The following SLC4A10 variants were observed in gnomAD, a reference collection of about 807,000 sequenced individuals.
SLC4A10 encodes solute carrier family 4 member 10, also known as sodium-driven chloride bicarbonate exchanger.
A neutral mutation model predicts 137.7 loss-of-function variants in SLC4A10; 42 were observed. The ratio of observed to expected loss-of-function variants is 0.30; its 90% CI spans 0.24 to 0.39. SLC4A10 has a LOEUF of 0.39. Among genes scored for constraint, SLC4A10 ranks in the 10% least tolerant of loss-of-function variants. SLC4A10 has a pLI of 1.00. For missense variants in SLC4A10, 925 were observed against 1,355.0 expected (o/e 0.68, Z 4.98); for synonymous variants, 474 against 464.1 (o/e 1.02, Z -0.27).
At chr2:161,947,833 G>T in intron 17 of SLC4A10, 106 bp downstream of exon 17, 1 of 1,263,446 alleles carries the variant, frequency 7.9e-7, no homozygotes, top group Non-Finnish European at 1.1e-6. Flanking sequence ...TGAGTGAGCT[G>T]CCAGGTTAGT....
chr2:161,693,352 A>G (rs2042180620), intron 1 of SLC4A10, among the ~76,000 whole-genome samples: 1 of 152,076 alleles, frequency 6.6e-6, no homozygotes, highest in South Asian at 2.1e-4. Flanking sequence ...GCTTTCACTC[A>G]AACAAAAATA....
chr2:161,707,924 G>A (rs905359259), intron 1 of SLC4A10, among the ~76,000 whole-genome samples: 1 of 151,012 alleles, frequency 6.6e-6, no homozygotes, highest in African/African-American at 2.4e-5. Flanking sequence ...TCCTGTATAG[G>A]CGCTCATCAT....
At position 161,778,411 on chromosome 2, in the gene SLC4A10, T is replaced by C. The variant is rs558783617; in HGVS notation, c.130+7357T>C. 1.2e-4 allele frequency among the ~76,000 whole-genome samples: 19 copies of C among 152,070 alleles called. No individual in the cohort carries two copies. The East Asian group carries it at 3.7e-3, about 29-fold the overall frequency. On this transcript the variant is annotated intron_variant, in intron 2 of 26. Coordinates refer to ENST00000446997, the MANE Select transcript of SLC4A10 (RefSeq NM_001178015.2). ...GTCTTTGTTATTGATTATAAACTCA[T>C]TGAGGGACAAATTTTCATCTTTTAC...
At chr2:161,956,903 A>T in intron 19 of SLC4A10, 86 bp from the exon 20 acceptor site, 3 of 1,384,202 alleles carry the variant, frequency 2.2e-6, no homozygotes, top group African/African-American at 2.9e-5. Flanking sequence ...GAGTATCATC[A>T]GGAAGTGGTT....
Position 161,942,818 on chromosome 2 carries a change from C to A in SLC4A10, c.2024C>A (p.Pro675His). ...TGTAACTGTGTGGAACCGCATAATC[C>A]CAGCAATGGCACATTGAAGGAATGG... ...YSCNCVEPHN[P>H]SNGTLKEWRE... The change falls in exon 16 of 27, where the codon CCC becomes CAC. Residue 675 changes from proline to histidine, a missense_variant. This residue lies in a region of SLC4A10 where 91 missense variants were observed against 95.6 expected (regional missense o/e 0.95). Coordinates refer to ENST00000446997, the MANE Select transcript of SLC4A10 (RefSeq NM_001178015.2). The A allele has an allele frequency of 6.2e-7, 1 of 1,604,958 alleles. No homozygotes were observed. The highest frequency in any genetic ancestry group is 8.5e-7 in the Non-Finnish European group (1 of 1,175,506).
At chr2:161,664,589 C>T (rs2038828900) in intron 1 of SLC4A10, among the ~76,000 whole-genome samples, 1 of 151,852 alleles carries the variant, frequency 6.6e-6, no homozygotes, top group South Asian at 2.1e-4. Context: ...TATTTGAAAA[C>T]AGACTTTTCC....
At chr2:161,663,610 T>A (rs1024939569) in intron 1 of SLC4A10, among the ~76,000 whole-genome samples, 1 of 152,036 alleles carries the variant, frequency 6.6e-6, no homozygotes, top group African/African-American at 2.4e-5. Flanking sequence ...AAATATAAAT[T>A]ATAAAACTAG....
intron 10 of SLC4A10, among the ~76,000 whole-genome samples, chr2:161,882,882 T>A (rs1272393805): frequency 6.6e-6 from 1 of 152,138 alleles, no homozygotes; most frequent in Non-Finnish European, 1.5e-5. Flanking sequence ...TGAATGTAGA[T>A]ATTTTTAACC....
chr2:161,945,509 G>A lies in SLC4A10; in HGVS notation c.2104-2057G>A, dbSNP rs539533962. ...CATTTTTTGAGTACCCATTGTAACT[G>A]AAACCATATGTTAGACTCAAAAAAC... On this transcript the variant is annotated intron_variant, in intron 16 of 26. Coordinates refer to ENST00000446997, the MANE Select transcript of SLC4A10 (RefSeq NM_001178015.2). Among the ~76,000 whole-genome samples the A allele has an allele frequency of 7.3e-5, 11 of 151,472 alleles. No homozygotes were observed. The East Asian group carries it at 9.7e-4, about 13-fold the overall frequency.
At chr2:161,804,332 A>G (rs2055688189) in intron 2 of SLC4A10, 117 bp from the exon 3 acceptor site, 2 of 1,142,988 alleles carry the variant, frequency 1.7e-6, no homozygotes, top group Non-Finnish European at 2.4e-6. Context: ...TGTATCATAA[A>G]CATCAAAAAT....
chr2:161,820,794 C>T (rs563904713), intron 3 of SLC4A10, among the ~76,000 whole-genome samples: 6 of 152,106 alleles, frequency 3.9e-5, no homozygotes, highest in East Asian at 3.9e-4. Context: ...TTTCTCATAC[C>T]GATGAATGAA....
chr2:161,836,666 C>A (rs1183110396), intron 3 of SLC4A10, among the ~76,000 whole-genome samples: 83 of 144,744 alleles, frequency 5.7e-4, no homozygotes, highest in Non-Finnish European at 4.7e-4. Flanking sequence ...AAAAAAAAAA[C>A]CCCATAAACT....
intron 3 of SLC4A10, among the ~76,000 whole-genome samples, chr2:161,811,181 A>G (rs2056519152): frequency 6.6e-6 from 1 of 151,890 alleles, no homozygotes; most frequent in Non-Finnish European, 1.5e-5. Flanking sequence ...TAGTCTCTGA[A>G]TATCTTTTGT....
At chr2:161,785,994 T>C (rs2053579963) in intron 2 of SLC4A10, among the ~76,000 whole-genome samples, 1 of 151,986 alleles carries the variant, frequency 6.6e-6, no homozygotes, top group Non-Finnish European at 1.5e-5. Context: ...GCTTTAATGA[T>C]CTGTCTAGTG....
At chr2:161,850,731 T>C (rs1244831295) in intron 4 of SLC4A10, among the ~76,000 whole-genome samples, 1 of 152,168 alleles carries the variant, frequency 6.6e-6, no homozygotes, top group African/African-American at 2.4e-5. Flanking sequence ...ATATTTTGGT[T>C]ATTTCTTTTC....
chr2:161,809,443 C>A (rs1318438473), intron 3 of SLC4A10, among the ~76,000 whole-genome samples: 5 of 151,990 alleles, frequency 3.3e-5, no homozygotes, highest in Non-Finnish European at 7.4e-5. Flanking sequence ...GCCATTAATT[C>A]TTTGTCAAAG....
intron 6 of SLC4A10, among the ~76,000 whole-genome samples, chr2:161,866,285 A>G (rs1375299108): frequency 1.3e-5 from 2 of 152,052 alleles, no homozygotes; most frequent in East Asian, 1.9e-4. Context: ...GATTAATAAA[A>G]TAGTGCATTT....
chr2:161,715,765 A>G (rs992279689), intron 1 of SLC4A10, among the ~76,000 whole-genome samples: 2 of 152,038 alleles, frequency 1.3e-5, no homozygotes, highest in Non-Finnish European at 2.9e-5. Flanking sequence ...GGTTGATTCC[A>G]TGCCTTTGAT....
At chr2:161,789,348 A>G (rs915140351) in intron 2 of SLC4A10, among the ~76,000 whole-genome samples, 2 of 152,158 alleles carry the variant, frequency 1.3e-5, no homozygotes, top group Admixed American at 6.6e-5. Flanking sequence ...CTCAGGAGTC[A>G]GTGTCTGCCA....
Sources: allele counts gnomAD v4.1 joint callset (sites outside exome capture counted in the v4.1 genomes callset), GRCh38; gene constraint gnomAD v4.1.1; regional missense constraint gnomAD v4.1.1; transcripts MANE v1.5; gene names NCBI Gene and HGNC (gene_info 2026-07-23, HGNC 2026-07-21).